CHD2: variants seen among roughly 807,000 people sequenced by gnomAD.
CHD2 encodes chromodomain helicase DNA binding protein 2.
CHD2 carries 28 observed loss-of-function variants against 243.9 expected under a neutral mutation model. That is an observed-to-expected ratio of 0.11 (90% CI 0.09 to 0.16). The LOEUF is 0.16. CHD2 is among the 10% of genes least tolerant of loss of function. The probability of loss-of-function intolerance (pLI) is 1.00; values close to 1 mark genes in which losing one functional copy is unlikely to be tolerated. For missense variants in CHD2, 1,386 were observed against 2,209.8 expected (o/e 0.63, Z 7.47); for synonymous variants, 775 against 779.0 (o/e 0.99, Z 0.09).
intron 16 of CHD2, among the ~76,000 whole-genome samples, chr15:92,960,311 A>G (rs2053668141): frequency 6.6e-6 from 1 of 152,156 alleles, no homozygotes; most frequent in African/African-American, 2.4e-5. Context: ...TTCTTTTCCA[A>G]AATGGATGCT....
intron 33 of CHD2, among the ~76,000 whole-genome samples, chr15:93,002,585 A>T (rs2054271344): frequency 6.6e-6 from 1 of 152,230 alleles, no homozygotes; most frequent in Non-Finnish European, 1.5e-5. Flanking sequence ...ATGAGATAGG[A>T]CAGGTGAGAG....
In CHD2 at chr15:92,974,742, T is replaced by C. The variant is rs866992420; in HGVS notation, c.2506-137T>C. 8.7e-6 allele frequency: 6 copies of C among 693,286 alleles called. No individual in the cohort carries two copies. The Middle Eastern group carries it at 1.1e-3, about 123-fold the overall frequency. The allele number at this position is 693,286 out of a possible 1,614,324, so 42.9% of individuals were successfully genotyped here. A position where few individuals can be genotyped will look rare whatever the true frequency, so the allele number is the denominator to read the frequency against. On this transcript the variant is annotated intron_variant, in intron 19 of 38. Transcript: ENST00000394196. ...GGTGTGCTTCTTAAGCACAGCTTCT[T>C]CATAGCGCTTTGCCAGTGCTTTGCA...
chr15:92,978,105 A>G, intron 20 of CHD2, 129 bp from the exon 21 acceptor site: 1 of 1,042,844 alleles, frequency 9.6e-7, no homozygotes, highest in Non-Finnish European at 1.5e-6. Context: ...TTTAGCCTCC[A>G]TAAAGTTTGT....
chr15:92,991,428 A>G, intron 26 of CHD2, 48 bp from the exon 27 acceptor site: 1 of 1,405,282 alleles, frequency 7.1e-7, no homozygotes, highest in Non-Finnish European at 1.0e-6. Flanking sequence ...CAACATAACT[A>G]AAGTAAGTCT....
chr15:92,966,791 T>G (rs779040530), intron 16 of CHD2, among the ~76,000 whole-genome samples: 34 of 151,788 alleles, frequency 2.2e-4, no homozygotes, highest in Non-Finnish European at 3.7e-4. Context: ...GCACCTGTAA[T>G]CCCAGCTACT....
chr15:92,908,065 C>T, intron 2 of CHD2, among the ~76,000 whole-genome samples: 1 of 129,694 alleles, frequency 7.7e-6, no homozygotes. Flanking sequence ...TATGACTCTT[C>T]CTGGACTACA....
At chr15:93,008,154 C>A (rs1444486634) in intron 34 of CHD2, among the ~76,000 whole-genome samples, 2 of 152,214 alleles carry the variant, frequency 1.3e-5, no homozygotes, top group Non-Finnish European at 2.9e-5. Flanking sequence ...AGTTTCCTGA[C>A]TCTCCAGAGC....
chr15:92,919,843 A>G lies in CHD2; in HGVS notation c.63-4478A>G, dbSNP rs57721463. Among the ~76,000 whole-genome samples the G allele has an allele frequency of 7.4e-3, 1,126 of 152,324 alleles. 17 individuals carry two copies. The highest frequency in any genetic ancestry group is 0.026 in the African/African-American group (1,075 of 41,564). On this transcript the variant is annotated intron_variant, in intron 2 of 38. Transcript: ENST00000394196. ...GACATTAAAAATACTTAAGGTATAT[A>G]ATGAAGTGCTGTGAATTCACTATTA...
At chr15:92,934,017 G>A (rs7172853) in intron 5 of CHD2, among the ~76,000 whole-genome samples, 9,562 of 152,216 alleles carry the variant, frequency 0.063, 326 homozygotes, top group Middle Eastern at 0.17. Context: ...TCAAAAGCAT[G>A]CTTTCTTGGG....
In CHD2 at chr15:93,009,210, C is replaced by A. The variant is rs1468576695; in HGVS notation, c.4479C>A (p.Leu1493=). The A allele has an allele frequency of 6.2e-7, 1 of 1,614,060 alleles. No individual in the cohort carries two copies. Among genetic ancestry groups the A allele is most frequent in the Non-Finnish European group, 8.5e-7 (1 of 1,180,024 alleles). ...LKQLDKPDKG[L]NVQEQLEHTR... is the part of the protein sequence containing the mutation. ...AGCTCGACAAACCTGACAAGGGGCT[C>A]AACGTGCAAGAACAGCTGGAACACA... Residue 1493 remains leucine (L), a synonymous_variant, in exon 35 of 39, where the codon CTC becomes CTA. Coordinates refer to ENST00000394196, the MANE Select transcript of CHD2 (RefSeq NM_001271.4).
chr15:92,928,615 T>G (rs2053108867), intron 4 of CHD2, among the ~76,000 whole-genome samples: 4 of 152,256 alleles, frequency 2.6e-5, no homozygotes, highest in African/African-American at 4.8e-5. Flanking sequence ...TCCCCACTAC[T>G]CACATGTGGC....
chr15:92,927,534 T>G (rs1384915524), intron 4 of CHD2, among the ~76,000 whole-genome samples: 1 of 152,164 alleles, frequency 6.6e-6, no homozygotes, highest in African/African-American at 2.4e-5. Flanking sequence ...GATCATATAA[T>G]AGTGAATTTT....
chr15:92,998,608 C>A lies in CHD2; in HGVS notation c.3995C>A (p.Thr1332Lys), dbSNP rs1385585205. Residue 1332 changes from threonine to lysine, a missense_variant, in exon 31 of 39, where the codon ACA (threonine) becomes AAA (lysine). Thr to Lys is a moderately conservative substitution (Grantham distance 78, BLOSUM62 -1). Transcript: ENST00000394196. The surrounding 1 kb of genome is among the most constrained non-coding windows in gnomAD (Gnocchi z 5.1). ...GGTCTGGAGAAGAAGGGGGCTGTGA[C>A]AGGTGGGGAAGAGGTGAGTACGCTG... ...RKGLEKKGAV[T>K]GGEEAKLKKR... is the part of the protein sequence containing the mutation. 6.2e-7 allele frequency: 1 copy of A among 1,612,636 alleles called. No individual in the cohort carries two copies. Among genetic ancestry groups the A allele is most frequent in the Non-Finnish European group, 8.5e-7 (1 of 1,179,880 alleles).
chr15:92,970,386 A>T (rs2053825405), intron 17 of CHD2, among the ~76,000 whole-genome samples: 2 of 152,078 alleles, frequency 1.3e-5, no homozygotes, highest in South Asian at 4.2e-4. Context: ...GTTTTAGTAG[A>T]GATGGAGTTT....
At chr15:92,915,788 A>G (rs916610828) in intron 2 of CHD2, among the ~76,000 whole-genome samples, 5 of 152,200 alleles carry the variant, frequency 3.3e-5, no homozygotes, top group Non-Finnish European at 7.3e-5. Context: ...TCAAGCTGGG[A>G]ACTGTGTCAG....
Position 92,973,572 on chromosome 15 carries a change from G to A in CHD2, c.2505+1155G>A, listed in dbSNP as rs537590460. 2.0e-5 allele frequency among the ~76,000 whole-genome samples: 3 copies of A among 152,210 alleles called. No homozygotes were observed. The South Asian group carries it at 6.2e-4, about 32-fold the overall frequency. On this transcript the variant is annotated intron_variant, in intron 19 of 38. Coordinates refer to ENST00000394196, the MANE Select transcript of CHD2 (RefSeq NM_001271.4). ...ATTATCTTTCAAAATACCCTGAAAG[G>A]CATTGTTATATCCATAATATCTTAT...
At chr15:92,977,498 T>C (rs984555840) in intron 20 of CHD2, among the ~76,000 whole-genome samples, 1 of 152,212 alleles carries the variant, frequency 6.6e-6, no homozygotes, top group African/African-American at 2.4e-5. Flanking sequence ...ATAGAAATAT[T>C]TCACCTTTTC....
chr15:93,002,069 A>G, intron 32 of CHD2, 108 bp from the exon 33 acceptor site: 1 of 1,405,666 alleles, frequency 7.1e-7, no homozygotes, highest in Non-Finnish European at 9.4e-7. Flanking sequence ...ACAAGCTTCT[A>G]AGTATAGACA....
intron 26 of CHD2, 76 bp downstream of exon 26, chr15:92,985,749 C>T: frequency 6.8e-7 from 1 of 1,460,186 alleles, no homozygotes; most frequent in Non-Finnish European, 9.2e-7. Context: ...GGATCCTGGA[C>T]ATCGTGACAG....
Sources: allele counts gnomAD v4.1 joint callset (sites outside exome capture counted in the v4.1 genomes callset), GRCh38; gene constraint gnomAD v4.1.1; non-coding constraint Gnocchi (gnomAD v3.1); transcripts MANE v1.5; gene names NCBI Gene and HGNC (gene_info 2026-07-23, HGNC 2026-07-21).